The following EYA1 variants were observed in gnomAD, a reference collection of about 807,000 sequenced individuals.
EYA1 encodes protein phosphatase EYA1.
A neutral mutation model predicts 82.0 loss-of-function variants in EYA1; 16 were observed. The ratio of observed to expected loss-of-function variants is 0.20; its 90% CI spans 0.13 to 0.30. The LOEUF (loss-of-function observed/expected upper bound fraction) is 0.30. EYA1 is among the 10% of genes least tolerant of loss of function. The pLI, the probability that EYA1 is intolerant of heterozygous loss-of-function variation, is 1.00. For missense variants in EYA1, 633 were observed against 730.7 expected (o/e 0.87, Z 1.54); for synonymous variants, 261 against 264.4 (o/e 0.99, Z 0.12).
At chr8:71,340,772 T>A (rs549972776) in intron 3 of EYA1, among the ~76,000 whole-genome samples, 2 of 152,186 alleles carry the variant, frequency 1.3e-5, no homozygotes, top group South Asian at 4.2e-4. Context: ...CCAAAAAAAC[T>A]CAGCTACATT....
intron 2 of EYA1, among the ~76,000 whole-genome samples, chr8:71,413,609 A>T (rs1002065171): frequency 6.6e-6 from 1 of 152,236 alleles, no homozygotes; most frequent in Admixed American, 6.5e-5. Flanking sequence ...TTATATAAAT[A>T]GCCATTTTCT....
chr8:71,345,451 T>C (rs892429019), intron 3 of EYA1, among the ~76,000 whole-genome samples: 3 of 152,206 alleles, frequency 2.0e-5, no homozygotes, highest in Non-Finnish European at 4.4e-5. Flanking sequence ...ACTTGGTAAC[T>C]AGTAAGTGGC....
At chr8:71,326,336 A>C (rs908403305) in intron 4 of EYA1, among the ~76,000 whole-genome samples, 1 of 152,104 alleles carries the variant, frequency 6.6e-6, no homozygotes, top group Non-Finnish European at 1.5e-5. Flanking sequence ...TCTTTCCCTC[A>C]AACCCCACCT....
At chr8:71,269,331 C>T (rs762191374) in intron 11 of EYA1, among the ~76,000 whole-genome samples, 3 of 152,128 alleles carry the variant, frequency 2.0e-5, no homozygotes, top group African/African-American at 4.8e-5. Flanking sequence ...AGATAAAATA[C>T]CAAAGCTTCT....
At chr8:71,221,422 C>A (rs910038448) in intron 12 of EYA1, among the ~76,000 whole-genome samples, 10 of 152,040 alleles carry the variant, frequency 6.6e-5, no homozygotes, top group Admixed American at 2.6e-4. Flanking sequence ...CCCCAAGTCA[C>A]AGATGTGAGA....
intron 3 of EYA1, among the ~76,000 whole-genome samples, chr8:71,346,546 C>G (rs533208480): frequency 1.3e-5 from 2 of 150,322 alleles, no homozygotes; most frequent in South Asian, 2.1e-4. Flanking sequence ...ACACACTAAC[C>G]CTAAGTGTAC....
At chr8:71,395,752 C>T (rs1328629104) in intron 2 of EYA1, among the ~76,000 whole-genome samples, 1 of 151,956 alleles carries the variant, frequency 6.6e-6, no homozygotes, top group African/African-American at 2.4e-5. Flanking sequence ...GTAAAATTCT[C>T]TTTTTTTGCT....
Position 71,443,550 on chromosome 8 carries a change from G to C in EYA1, c.34-87039C>G, listed in dbSNP as rs866122576. Among the ~76,000 whole-genome samples the C allele has an allele frequency of 2.0e-5, 3 of 152,230 alleles. No individual in the cohort carries two copies. The East Asian group carries it at 5.8e-4, about 29-fold the overall frequency. On this transcript the variant is annotated intron_variant, in intron 2 of 18. Transcript: ENST00000643681. The stretch of plus-strand genomic sequence containing the variant: ...CCCTCCTTGGCCTCCCAAAGTGCTG[G>C]GATTACAGGCAGAATTATTTTTAAT...
chr8:71,224,153 A>T (rs1413324188), intron 12 of EYA1, among the ~76,000 whole-genome samples: 2 of 152,236 alleles, frequency 1.3e-5, no homozygotes, highest in African/African-American at 4.8e-5. Context: ...GGCAGTTTGC[A>T]TGTTATAAAA....
chr8:71,500,493 C>T (rs552704260), intron 2 of EYA1, among the ~76,000 whole-genome samples: 2 of 152,208 alleles, frequency 1.3e-5, no homozygotes, highest in South Asian at 2.1e-4. Context: ...AGTGGTGTTT[C>T]GGTGTTCCTC....
At chr8:71,346,427 A>C (rs1825713093) in intron 3 of EYA1, among the ~76,000 whole-genome samples, 1 of 85,612 alleles carries the variant, frequency 1.2e-5, no homozygotes, top group East Asian at 5.9e-4. Flanking sequence ...TTTTTACTGC[A>C]GTGAATATAT....
intron 11 of EYA1, among the ~76,000 whole-genome samples, chr8:71,254,815 A>G (rs1814197409): frequency 6.6e-6 from 1 of 152,144 alleles, no homozygotes; most frequent in Non-Finnish European, 1.5e-5. Context: ...TTTTGTGTGT[A>G]GAAAGCCCCG....
At chr8:71,240,542 C>G (rs1245842837) in intron 12 of EYA1, among the ~76,000 whole-genome samples, 2 of 152,076 alleles carry the variant, frequency 1.3e-5, no homozygotes, top group African/African-American at 2.4e-5. Flanking sequence ...GAGGAGGGTT[C>G]CCACTCTTCC....
chr8:71,242,940 G>A (rs1812663766), intron 12 of EYA1, among the ~76,000 whole-genome samples: 1 of 148,290 alleles, frequency 6.7e-6, no homozygotes, highest in African/African-American at 2.5e-5. Flanking sequence ...ACCACACCCA[G>A]CTAATTTTGT....
intron 12 of EYA1, among the ~76,000 whole-genome samples, chr8:71,234,695 A>G (rs1056301440): frequency 6.6e-6 from 1 of 151,748 alleles, no homozygotes; most frequent in Non-Finnish European, 1.5e-5. Context: ...CAAAATGCTC[A>G]ATCTTAGGCC....
chr8:71,268,963 C>T (rs909876374), intron 11 of EYA1, among the ~76,000 whole-genome samples: 3 of 152,076 alleles, frequency 2.0e-5, no homozygotes, highest in Admixed American at 6.5e-5. Flanking sequence ...AAACCTAAGA[C>T]TTATTATTTC....
intron 9 of EYA1, among the ~76,000 whole-genome samples, chr8:71,279,335 C>A (rs551529063): frequency 6.6e-6 from 1 of 152,256 alleles, no homozygotes; most frequent in South Asian, 2.1e-4. Flanking sequence ...CACTAAGGCA[C>A]CCCTGAACTT....
intron 9 of EYA1, among the ~76,000 whole-genome samples, chr8:71,288,761 C>A (rs1158752621): frequency 1.3e-5 from 2 of 152,122 alleles, no homozygotes; most frequent in African/African-American, 4.8e-5. Context: ...AATCAATAAT[C>A]CAGGTGAAAT....
chr8:71,338,368 A>C (rs569156687), intron 3 of EYA1, among the ~76,000 whole-genome samples: 5 of 152,256 alleles, frequency 3.3e-5, no homozygotes, highest in Non-Finnish European at 7.3e-5. Context: ...TTACATGGCA[A>C]TTGTGATCAA....
Sources: gnomAD v4.1 joint callset for allele counts (sites outside exome capture counted in the v4.1 genomes callset) on GRCh38, gnomAD v4.1.1 for gene constraint, MANE v1.5 for transcripts, NCBI Gene and HGNC (gene_info 2026-07-23, HGNC 2026-07-21) for gene names.